FAF1: variants seen among roughly 807,000 people sequenced by gnomAD.
The protein encoded by FAF1 is FAS-associated factor 1.
Under a neutral mutation model 92.5 loss-of-function variants are expected in FAF1, and 25 were observed. That is an observed-to-expected ratio of 0.27 (90% CI 0.20 to 0.38). The LOEUF (loss-of-function observed/expected upper bound fraction) is 0.38. Ranked by LOEUF, FAF1 falls within the 10% of genes least tolerant of loss-of-function variation. The pLI, the probability that FAF1 is intolerant of heterozygous loss-of-function variation, is 1.00. For missense variants in FAF1, 636 were observed against 793.3 expected, an observed-to-expected ratio of 0.80 and a Z score of 2.38; for synonymous variants, 234 against 273.2, an observed-to-expected ratio of 0.86 and a Z score of 1.42.
At chr1:50,743,079 C>T (rs1314617836) in intron 5 of FAF1, among the ~76,000 whole-genome samples, 1 of 152,162 alleles carries the variant, frequency 6.6e-6, no homozygotes, top group Non-Finnish European at 1.5e-5. Flanking sequence ...GATTAAGTAG[C>T]TGTATGGCAC....
intron 15 of FAF1, among the ~76,000 whole-genome samples, chr1:50,531,430 T>TA (rs1339976537): frequency 1.3e-5 from 2 of 152,128 alleles, no homozygotes; most frequent in Non-Finnish European, 2.9e-5. Context: ...ACAGTGCATA[T>TA]AAAAAAATCA....
intron 18 of FAF1, among the ~76,000 whole-genome samples, chr1:50,463,660 G>T (rs149670739): frequency 6.6e-6 from 1 of 152,310 alleles, no homozygotes; most frequent in African/African-American, 2.4e-5. Context: ...AATACTTTCT[G>T]AAATGTCTGC....
At position 50,592,153 on chromosome 1, in the gene FAF1, A is replaced by G. The variant is rs148112028; in HGVS notation, c.840+3968T>C. 5.9e-3 allele frequency among the ~76,000 whole-genome samples: 891 copies of G among 152,232 alleles called. 10 individuals carry two copies. The highest frequency in any genetic ancestry group is 0.02 in the African/African-American group (843 of 41,568). On this transcript the variant is annotated intron_variant, in intron 9 of 18. Transcript: ENST00000396153. ...ATCTCATGCTTGCCTCAATTTTCTC[A>G]TTAATCATATAATATAAAATTATCA... is the stretch of plus-strand genomic sequence containing the variant.
At chr1:50,672,444 T>C (rs1439781406) in intron 7 of FAF1, among the ~76,000 whole-genome samples, 1 of 151,998 alleles carries the variant, frequency 6.6e-6, no homozygotes, top group East Asian at 1.9e-4. Context: ...CAGCTAATTT[T>C]TGTATTTTTT....
At chr1:50,734,476 T>C (rs1269550598) in intron 6 of FAF1, among the ~76,000 whole-genome samples, 1 of 152,188 alleles carries the variant, frequency 6.6e-6, no homozygotes, top group Non-Finnish European at 1.5e-5. Context: ...GGCTCAAGCC[T>C]GTAATCCCAG....
intron 7 of FAF1, among the ~76,000 whole-genome samples, chr1:50,660,785 C>T (rs1655339303): frequency 6.6e-6 from 1 of 152,142 alleles, no homozygotes; most frequent in African/African-American, 2.4e-5. Context: ...CTACCTTACC[C>T]AGCCAGAGAA....
chr1:50,595,827 G>A (rs564175811), intron 9 of FAF1, among the ~76,000 whole-genome samples: 5 of 152,310 alleles, frequency 3.3e-5, no homozygotes, highest in Non-Finnish European at 5.9e-5. Flanking sequence ...ACAGGCGTGA[G>A]TGACTGTGCC....
intron 15 of FAF1, among the ~76,000 whole-genome samples, chr1:50,533,786 T>C (rs1648315570): frequency 1.3e-5 from 2 of 152,190 alleles, no homozygotes; most frequent in Non-Finnish European, 2.9e-5. Context: ...TCTGTGAACA[T>C]AACATCTCAA....
chr1:50,861,261 C>T (rs74643150), intron 1 of FAF1, among the ~76,000 whole-genome samples: 223 of 151,892 alleles, frequency 1.5e-3, no homozygotes, highest in African/African-American at 5.1e-3. Flanking sequence ...AAACAAGAGA[C>T]TGCTATGGAT....
Position 50,595,534 on chromosome 1 carries a change from CAA to C in FAF1, c.840+585_840+586del, listed in dbSNP as rs563389600. 2.3e-4 allele frequency among the ~76,000 whole-genome samples: 35 copies of C among 151,426 alleles called. No homozygotes were observed. The East Asian group carries it at 6.6e-3, about 29-fold the overall frequency. ...ATCTACTCAACTACACAGTCAATAG[CAA>C]AAAAAAGTTTCTTTTTTCTTTTTTG... On this transcript the variant is annotated intron_variant, in intron 9 of 18. Coordinates refer to ENST00000396153, the MANE Select transcript of FAF1 (RefSeq NM_007051.3).
At chr1:50,904,019 T>G (rs1644816430) in intron 1 of FAF1, among the ~76,000 whole-genome samples, 1 of 152,188 alleles carries the variant, frequency 6.6e-6, no homozygotes, top group Admixed American at 6.6e-5. Context: ...CACTTCCGGG[T>G]ATATATTCCA....
At chr1:50,922,477 A>AAAAAAG in intron 1 of FAF1, among the ~76,000 whole-genome samples, 1 of 147,408 alleles carries the variant, frequency 6.8e-6, no homozygotes, top group Non-Finnish European at 1.5e-5. Context: ...AAAAAAAAAA[A>AAAAAAG]AAAAAGAAAA....
chr1:50,516,085 C>T (rs1297089086), intron 15 of FAF1, among the ~76,000 whole-genome samples: 1 of 152,120 alleles, frequency 6.6e-6, no homozygotes, highest in Non-Finnish European at 1.5e-5. Flanking sequence ...AACTGAAGTA[C>T]GTGAGGCACA....
At chr1:50,447,121 CTTTTTTTTTT>C (rs61612294) in intron 18 of FAF1, among the ~76,000 whole-genome samples, 5 of 112,856 alleles carry the variant, frequency 4.4e-5, no homozygotes, top group East Asian at 5.1e-4. Flanking sequence ...CATATTCCTG[CTTTTTTTTTT>C]TTTTTTTTTT....
chr1:50,688,643 T>C (rs889932926), intron 7 of FAF1, among the ~76,000 whole-genome samples: 1 of 152,096 alleles, frequency 6.6e-6, no homozygotes, highest in Non-Finnish European at 1.5e-5. Context: ...AGAAACCCTG[T>C]CTCTACTAAA....
At chr1:50,895,736 T>C (rs1013816525) in intron 1 of FAF1, among the ~76,000 whole-genome samples, 2 of 152,126 alleles carry the variant, frequency 1.3e-5, no homozygotes, top group Non-Finnish European at 2.9e-5. Flanking sequence ...GGTGGTTCAA[T>C]ATACACAAAT....
chr1:50,454,303 T>C (rs1216528713), intron 18 of FAF1, among the ~76,000 whole-genome samples: 1 of 152,240 alleles, frequency 6.6e-6, no homozygotes, highest in African/African-American at 2.4e-5. Context: ...ACCTTTGCTA[T>C]GTTGTTTCCT....
chr1:50,486,018 T>C (rs1646764951), intron 17 of FAF1, among the ~76,000 whole-genome samples: 1 of 152,268 alleles, frequency 6.6e-6, no homozygotes, highest in Middle Eastern at 3.4e-3. Context: ...AATTTGATAT[T>C]AGATTTGGGT....
At chr1:50,734,852 G>T (rs1182362579) in intron 6 of FAF1, among the ~76,000 whole-genome samples, 1 of 152,172 alleles carries the variant, frequency 6.6e-6, no homozygotes, top group Non-Finnish European at 1.5e-5. Context: ...CATGTGAGTT[G>T]CTAAATAGAG....
Sources: gnomAD v4.1 joint callset for allele counts (sites outside exome capture counted in the v4.1 genomes callset) on GRCh38, gnomAD v4.1.1 for gene constraint, MANE v1.5 for transcripts, NCBI Gene and HGNC (gene_info 2026-07-23, HGNC 2026-07-21) for gene names.